ZNF516: variants seen among roughly 807,000 people sequenced by gnomAD.
The protein encoded by ZNF516 is zinc finger protein 516.
ZNF516 carries 19 observed loss-of-function variants against 79.7 expected under a neutral mutation model. The ratio of observed to expected loss-of-function variants is 0.24; its 90% CI spans 0.17 to 0.35. The LOEUF (loss-of-function observed/expected upper bound fraction) is 0.35, where lower values mean the gene tolerates loss of function less well. Ranked by LOEUF, ZNF516 falls within the 10% of genes least tolerant of loss-of-function variation. ZNF516 has a pLI of 1.00. For missense variants in ZNF516, 1,678 were observed against 1,679.5 expected, an observed-to-expected ratio of 1.00 and a Z score of 0.02; for synonymous variants, 877 against 739.5, an observed-to-expected ratio of 1.19 and a Z score of -3.02.
chr18:76,424,721 CT>C (rs1168562092), intron 3 of ZNF516, among the ~76,000 whole-genome samples: 3 of 144,382 alleles, frequency 2.1e-5, no homozygotes, highest in Non-Finnish European at 3.0e-5. Flanking sequence ...AAAAGGCTCC[CT>C]CCTGAAACAC....
intron 4 of ZNF516, chr18:76,378,368 G>A (rs1338537853): frequency 6.5e-6 from 1 of 152,978 alleles, no homozygotes; most frequent in African/African-American, 2.4e-5. Flanking sequence ...ACTAATATTA[G>A]AGGACTAATT....
chr18:76,463,089 T>C lies in ZNF516; in HGVS notation c.-219A>G, dbSNP rs1307123177. 2.0e-5 allele frequency: 3 copies of C among 152,232 alleles called. No individual in the cohort carries two copies. Among genetic ancestry groups the C allele is most frequent in the African/African-American group, 7.2e-5 (3 of 41,462 alleles). 9.4% of individuals were successfully genotyped at this position (152,232 alleles called of 1,614,324 possible). A position where few individuals can be genotyped will look rare whatever the true frequency, so the allele number is the denominator to read the frequency against. On this transcript the variant is annotated 5_prime_UTR_variant, in exon 2 of 7. An upstream open reading frame in the 5' UTR loses its in-frame stop. Coordinates refer to ENST00000443185, the MANE Select transcript of ZNF516 (RefSeq NM_014643.4). Reference sequence around the variant, plus strand: ...CGCTCCCAGTTGGATGCTGGTACTCTCAGCTAAAAGTGTTCAGAGAAGGAC... The same window carrying C: ...CGCTCCCAGTTGGATGCTGGTACTCCCAGCTAAAAGTGTTCAGAGAAGGAC...
chr18:76,451,732 T>C lies in ZNF516; in HGVS notation c.-157-8521A>G, dbSNP rs147778714. ...AAACAATGAGACGGGCTTCACTAGT[T>C]ACACTGTAGTATTATGAACCATGAA... On this transcript the variant is annotated intron_variant, in intron 2 of 6. Coordinates refer to ENST00000443185, the MANE Select transcript of ZNF516 (RefSeq NM_014643.4). The surrounding 1 kb of genome is among the most constrained non-coding windows in gnomAD (Gnocchi z 6.0). Among the ~76,000 whole-genome samples the C allele has an allele frequency of 1.3e-4, 20 of 152,290 alleles. No individual in the cohort carries two copies. In the East Asian group the frequency reaches 3.9e-3, roughly 29 times the overall value.
chr18:76,442,612 C>A lies in ZNF516; in HGVS notation c.443G>T (p.Ser148Ile), dbSNP rs764889415. The change falls in exon 3 of 7, where the codon AGC becomes ATC. Residue 148 changes from serine to isoleucine, a missense_variant. By Grantham distance (142) the Ser-to-Ile change is moderately radical (BLOSUM62 -2). Around this residue, in one of 5 missense-constraint regions of ZNF516, gnomAD observed 279 missense variants for 254.1 expected, o/e 1.10. Transcript: ENST00000443185. ...RVLNGASQAD[S>I]GRVLLRSSKK... ...GCTGCTCCGCAGCAGGACTCTGCCG[C>A]TGTCGGCCTGCGAGGCCCCGTTCAG... is the stretch of plus-strand genomic sequence containing the variant. 3.1e-6 allele frequency: 5 copies of A among 1,596,962 alleles called. No individual in the cohort carries two copies. Among genetic ancestry groups the A allele is most frequent in the Non-Finnish European group, 4.2e-6 (5 of 1,178,626 alleles).
chr18:76,487,438 G>A (rs1440976485), intron 1 of ZNF516, among the ~76,000 whole-genome samples: 1 of 152,038 alleles, frequency 6.6e-6, no homozygotes, highest in Non-Finnish European at 1.5e-5. Context: ...CTTCCTTATA[G>A]CTATTTAAGT....
chr18:76,484,505 C>A (rs540379262), intron 1 of ZNF516, among the ~76,000 whole-genome samples: 1 of 152,304 alleles, frequency 6.6e-6, no homozygotes, highest in Non-Finnish European at 1.5e-5. Flanking sequence ...GCCCTAACCC[C>A]GCTCGGGCCA....
At chr18:76,395,612 A>G (rs1568256528) in intron 3 of ZNF516, among the ~76,000 whole-genome samples, 1 of 152,096 alleles carries the variant, frequency 6.6e-6, no homozygotes, top group South Asian at 2.1e-4. Context: ...TAACCCAGTT[A>G]CCAACCTCGA....
chr18:76,397,388 G>C (rs898665830), intron 3 of ZNF516, among the ~76,000 whole-genome samples: 3 of 152,056 alleles, frequency 2.0e-5, no homozygotes, highest in African/African-American at 7.2e-5. Context: ...AAAAAAATCT[G>C]AATGACAAGA....
intron 1 of ZNF516, 123 bp downstream of exon 1, chr18:76,495,021 G>A (rs1162019816): frequency 1.4e-5 from 2 of 138,802 alleles, no homozygotes; most frequent in Non-Finnish European, 3.1e-5. Context: ...CCTCCCCAGC[G>A]CCTCCCCCCC....
intron 3 of ZNF516, among the ~76,000 whole-genome samples, chr18:76,402,204 T>C (rs1319761407): frequency 6.6e-6 from 1 of 152,178 alleles, no homozygotes; most frequent in Admixed American, 6.5e-5. Context: ...ATCCCGCCAG[T>C]GGCCACAACA....
At chr18:76,422,278 C>T (rs1034536110) in intron 3 of ZNF516, among the ~76,000 whole-genome samples, 1 of 152,316 alleles carries the variant, frequency 6.6e-6, no homozygotes, top group Admixed American at 6.5e-5. Context: ...GAAGAGCCTG[C>T]GGAGAGCGGG....
intron 3 of ZNF516, among the ~76,000 whole-genome samples, chr18:76,418,710 C>T (rs567299772): frequency 1.3e-5 from 2 of 152,302 alleles, no homozygotes; most frequent in South Asian, 4.1e-4. Context: ...TTAACAATAA[C>T]TTTATTTTAA....
At chr18:76,445,238 C>G (rs1312711299) in intron 2 of ZNF516, among the ~76,000 whole-genome samples, 1 of 143,938 alleles carries the variant, frequency 6.9e-6, no homozygotes, top group Non-Finnish European at 1.5e-5. Flanking sequence ...GCCTGGGTGA[C>G]AGAGCAAGAC....
chr18:76,463,064 C>T lies in ZNF516; in HGVS notation c.-194G>A, dbSNP rs1377989798. On this transcript the variant is annotated 5_prime_UTR_variant, in exon 2 of 7. Coordinates refer to ENST00000443185, the MANE Select transcript of ZNF516 (RefSeq NM_014643.4). ...TGGGAATGTGGAAATGCAATGACAA[C>T]GCTCCCAGTTGGATGCTGGTACTCT... The T allele has an allele frequency of 1.3e-5, 2 of 152,176 alleles. No homozygotes were observed. The highest frequency in any genetic ancestry group is 4.8e-5 in the African/African-American group (2 of 41,432). The allele number at this position is 152,176 out of a possible 1,614,324, so 9.4% of individuals were successfully genotyped here.
chr18:76,472,193 G>A (rs1913882816), intron 1 of ZNF516, among the ~76,000 whole-genome samples: 1 of 152,132 alleles, frequency 6.6e-6, no homozygotes, highest in African/African-American at 2.4e-5. Flanking sequence ...ATTGGCTGAG[G>A]GACCCTCCAC....
At chr18:76,418,222 G>GT (rs1447081659) in intron 3 of ZNF516, among the ~76,000 whole-genome samples, 1 of 151,790 alleles carries the variant, frequency 6.6e-6, no homozygotes, top group Non-Finnish European at 1.5e-5. Context: ...ATAACACACT[G>GT]TAACACACGC....
In ZNF516 at chr18:76,361,125, G is replaced by C. The variant is rs1159430124; in HGVS notation, c.*1373C>G. On this transcript the variant is annotated 3_prime_UTR_variant, in exon 7 of 7. Coordinates refer to ENST00000443185, the MANE Select transcript of ZNF516 (RefSeq NM_014643.4). ...TAAAAAAAAACCTAGTAAAGCTTTT[G>C]CAAAAAATTTCACAGAACATTTTCA... 6.6e-6 allele frequency: 1 copy of C among 151,768 alleles called. No individual in the cohort carries two copies. The highest frequency in any genetic ancestry group is 2.4e-5 in the African/African-American group (1 of 41,260). The allele number at this position is 151,768 out of a possible 1,614,324, so 9.4% of individuals were successfully genotyped here.
chr18:76,399,048 C>A (rs1033325743), intron 3 of ZNF516, among the ~76,000 whole-genome samples: 3 of 152,190 alleles, frequency 2.0e-5, no homozygotes, highest in Admixed American at 6.5e-5. Context: ...CGGATTTCCC[C>A]GAGGCATCCT....
intron 3 of ZNF516, among the ~76,000 whole-genome samples, chr18:76,429,918 G>A (rs765339296): frequency 3.3e-5 from 5 of 152,168 alleles, no homozygotes; most frequent in African/African-American, 4.8e-5. Context: ...TCAAGAATTT[G>A]TTTCTAAGTG....
Sources: allele counts gnomAD v4.1 joint callset (sites outside exome capture counted in the v4.1 genomes callset), GRCh38; gene constraint gnomAD v4.1.1; regional missense constraint gnomAD v4.1.1; non-coding constraint Gnocchi (gnomAD v3.1); transcripts MANE v1.5; gene names NCBI Gene and HGNC (gene_info 2026-07-23, HGNC 2026-07-21).